The following SORBS3 variants were observed in gnomAD, a reference collection of about 807,000 sequenced individuals.
The protein encoded by SORBS3 is sorbin and SH3 domain containing 3, also known as vinexin.
A neutral mutation model predicts 98.0 loss-of-function variants in SORBS3; 69 were observed. That is an observed-to-expected ratio of 0.70 (90% confidence interval 0.58 to 0.86). The LOEUF (loss-of-function observed/expected upper bound fraction) is 0.86, where lower values mean the gene tolerates loss of function less well. SORBS3 is among the 40% of genes least tolerant of loss of function. The pLI, the probability that SORBS3 is intolerant of heterozygous loss-of-function variation, is 0.00. For synonymous variants in SORBS3, 394 were observed against 355.4 expected (o/e 1.11, Z -1.22); for missense variants, 954 against 908.5 (o/e 1.05, Z -0.64).
chr8:22,567,210 C>T, intron 16 of SORBS3, 35 bp downstream of exon 16: 4 of 1,163,098 alleles, frequency 3.4e-6, no homozygotes, highest in Non-Finnish European at 3.8e-6. Context: ...TGGGGCTGGG[C>T]TGGGAGGGCG....
chr8:22,575,168 C>G lies in SORBS3; in HGVS notation c.*440C>G, dbSNP rs556742671. On this transcript the variant is annotated 3_prime_UTR_variant, in exon 21 of 21. Coordinates refer to ENST00000240123, the MANE Select transcript of SORBS3 (RefSeq NM_005775.5). Reference sequence around the variant, plus strand: ...CCGCCCCCGCCTGCTGGGGTTCCTCCCAGCACCCCAGCTTGCTGGCTGCCC... The same window carrying G: ...CCGCCCCCGCCTGCTGGGGTTCCTCGCAGCACCCCAGCTTGCTGGCTGCCC... 134 of 322,634 alleles carry G rather than the reference C, an allele frequency of 4.2e-4. 3 individuals carry two copies. The highest frequency in any genetic ancestry group is 2.5e-3 in the South Asian group (106 of 41,590). 20.0% of individuals were successfully genotyped at this position (322,634 alleles called of 1,614,324 possible). A position where few individuals can be genotyped will look rare whatever the true frequency, so the allele number is the denominator to read the frequency against.
rs1326877493 is a variant in SORBS3 at position 22,556,738 on chromosome 8, C to A, written c.244C>A (p.Pro82Thr). ...AGACCCTGCGTGGTATCAGACCTGGCCAGGCCCTGGGAGCAAGCCCTCTGC... is the reference window on the plus strand; with the variant it reads ...AGACCCTGCGTGGTATCAGACCTGGACAGGCCCTGGGAGCAAGCCCTCTGC... ...HPDPAWYQTW[P>T]GPGSKPSAST... is the part of the protein sequence containing the mutation. Residue 82 changes from proline to threonine, a missense_variant, in exon 4 of 21, where the codon CCA becomes ACA. Transcript: ENST00000240123. 2 of 1,613,654 alleles carry A rather than the reference C, an allele frequency of 1.2e-6. No individual in the cohort carries two copies. Among genetic ancestry groups the A allele is most frequent in the East Asian group, 2.2e-5 (1 of 44,904 alleles).
chr8:22,551,984 C>G lies in SORBS3; in HGVS notation c.-94C>G, dbSNP rs1158031442. 1.0e-6 allele frequency: 1 copy of G among 984,944 alleles called. No individual in the cohort carries two copies. Among genetic ancestry groups the G allele is most frequent in the African/African-American group, 1.7e-5 (1 of 57,196 alleles). The allele number at this position is 984,944 out of a possible 1,614,324, so 61.0% of individuals were successfully genotyped here. On this transcript the variant is annotated 5_prime_UTR_variant, in exon 1 of 21. Coordinates refer to ENST00000240123, the MANE Select transcript of SORBS3 (RefSeq NM_005775.5). The surrounding 1 kb of genome is among the most constrained non-coding windows in gnomAD (Gnocchi z 5.8). ...CCGGGCAGGGATGCTCCTGCGCTCCCGGGCGGCCTCGGGCCCAGCCACCTG... is the reference window on the plus strand; with the variant it reads ...CCGGGCAGGGATGCTCCTGCGCTCCGGGGCGGCCTCGGGCCCAGCCACCTG...
intron 20 of SORBS3, chr8:22,573,381 C>G (rs1283526190): frequency 2.2e-6 from 1 of 456,156 alleles, no homozygotes. Context: ...TTAGGAGCCA[C>G]AAGCGCTTTG....
At chr8:22,550,111 G>A (rs1840059414), upstream of SORBS3, 1 of 701,394 alleles carries the variant, frequency 1.4e-6, no homozygotes. Context: ...CCCTGAGGGA[G>A]GGAAGAGGCT....
rs115478497 is a variant in SORBS3, at chr8:22,573,937, C to T, written c.1955-730C>T. On this transcript the variant is annotated intron_variant, in intron 20 of 20. Transcript: ENST00000240123. ...GTGAGCCCTGGTCCTTTCCACCAGG[C>T]GCTCTCCCCAAGGGCTGCTCCAGAG... Among the ~76,000 whole-genome samples, 890 of 152,278 alleles carry T rather than the reference C, an allele frequency of 5.8e-3. 9 individuals are homozygous for T. The highest frequency in any genetic ancestry group is 0.021 in the African/African-American group (863 of 41,558).
chr8:22,570,925 C>T lies in SORBS3; in HGVS notation c.1447C>T (p.Leu483=), dbSNP rs764042311. The T allele has an allele frequency of 1.9e-6, 3 of 1,603,068 alleles. No homozygotes were observed. In the South Asian group the frequency reaches 3.3e-5, roughly 18 times the overall value. Residue 483 remains leucine, a synonymous_variant, in exon 18 of 21, where the codon CTG becomes TTG. Transcript: ENST00000240123. ...LSFRKGEHIC[L]IRKVNENWYE... is the part of the protein sequence containing the mutation. ...CCCCCCTCAGGGAGAGCACATCTGCCTGATCCGCAAGGTGAACGAGAACTG... is the reference window on the plus strand; with the variant it reads ...CCCCCCTCAGGGAGAGCACATCTGCTTGATCCGCAAGGTGAACGAGAACTG...
chr8:22,552,175 A>G (rs762342899), intron 1 of SORBS3, among the ~76,000 whole-genome samples, 153 bp downstream of exon 1: 2 of 152,210 alleles, frequency 1.3e-5, no homozygotes, highest in African/African-American at 2.4e-5. Context: ...AAAAAGCGAA[A>G]TTCAAGAAAA....
At chr8:22,553,453 G>C (rs1041507146) in intron 1 of SORBS3, among the ~76,000 whole-genome samples, 4 of 152,178 alleles carry the variant, frequency 2.6e-5, no homozygotes, top group African/African-American at 7.2e-5. Context: ...CGTGCTCTGG[G>C]TCAAAAAGCC....
intron 11 of SORBS3, 199 bp downstream of exon 11, chr8:22,565,553 A>G (rs914932112): frequency 6.9e-6 from 4 of 576,882 alleles, no homozygotes; most frequent in Non-Finnish European, 1.0e-5. Context: ...GACTTTCGCA[A>G]GTGACCCCGA....
intron 17 of SORBS3, 39 bp from the exon 18 acceptor site, chr8:22,570,871 C>T (rs759772447): frequency 2.6e-6 from 4 of 1,550,446 alleles, no homozygotes; most frequent in South Asian, 2.5e-5. Flanking sequence ...GTCCATGGCA[C>T]CAGGAAGGCC....
rs569684575 is a variant in SORBS3 at position 22,561,995 on chromosome 8, G to C, written c.584+64G>C. The stretch of plus-strand genomic sequence containing the variant: ...CGCGGCCCGCGAGACACCATGGGAC[G>C]GGCGCCCCCTCGTGACCACAGCCGG... On this transcript the variant is annotated intron_variant, in intron 7 of 20. Coordinates refer to ENST00000240123, the MANE Select transcript of SORBS3 (RefSeq NM_005775.5). 5 of 1,510,536 alleles carry C rather than the reference G, an allele frequency of 3.3e-6. No individual in the cohort carries two copies. The African/African-American group carries it at 5.5e-5, about 17-fold the overall frequency. The allele number at this position is 1,510,536 out of a possible 1,614,324, so 93.6% of individuals were successfully genotyped here.
intron 17 of SORBS3, among the ~76,000 whole-genome samples, chr8:22,570,443 C>T (rs1176164323): frequency 1.3e-5 from 2 of 152,222 alleles, no homozygotes; most frequent in South Asian, 2.1e-4. Flanking sequence ...AGCACCTGTC[C>T]AGTGTGTCTA....
intron 1 of SORBS3, among the ~76,000 whole-genome samples, chr8:22,553,727 C>A (rs1840130419): frequency 6.6e-6 from 1 of 152,220 alleles, no homozygotes; most frequent in Non-Finnish European, 1.5e-5. Context: ...GCAGAACACC[C>A]CAGGGCACTC....
chr8:22,570,969 G>A lies in SORBS3; in HGVS notation c.1491G>A (p.Thr497=), dbSNP rs150628896. Reference sequence around the variant, plus strand: ...AGAACTGGTACGAGGGACGCATCACGGGCACGGGGCGCCAAGGCATATTCC... The same window carrying A: ...AGAACTGGTACGAGGGACGCATCACAGGCACGGGGCGCCAAGGCATATTCC... ...VNENWYEGRI[T]GTGRQGIFPA... Residue 497 remains threonine (T), a synonymous_variant, in exon 18 of 21, where the codon ACG becomes ACA. Transcript: ENST00000240123. The A allele has an allele frequency of 1.3e-5, 21 of 1,613,218 alleles. No individual in the cohort carries two copies. The highest frequency in any genetic ancestry group is 8.8e-5 in the South Asian group (8 of 91,036).
rs1340882145 is a variant in SORBS3, at chr8:22,574,948, C to T, written c.*220C>T. ...ATTCCTCCCACAGCCCTTTCATTTC[C>T]TCCCCACCCCACTCCCCAAATACAG... On this transcript the variant is annotated 3_prime_UTR_variant, in exon 21 of 21. Coordinates refer to ENST00000240123, the MANE Select transcript of SORBS3 (RefSeq NM_005775.5). The T allele has an allele frequency of 2.9e-6, 2 of 684,096 alleles. No homozygotes were observed. Among genetic ancestry groups the T allele is most frequent in the Non-Finnish European group, 5.4e-6 (2 of 373,468 alleles). 42.4% of individuals were successfully genotyped at this position (684,096 alleles called of 1,614,324 possible).
chr8:22,565,363 C>T lies in SORBS3; in HGVS notation c.903+9C>T. 1 of 1,541,242 alleles carries T rather than the reference C, an allele frequency of 6.5e-7. No homozygotes were observed. Among genetic ancestry groups the T allele is most frequent in the Non-Finnish European group, 8.8e-7 (1 of 1,142,442 alleles). Reference sequence around the variant, plus strand: ...GACTGCCGTCCCCCAAGGTACCAGCCCCCAGGGTTCACCCGCGGGGCACGC... The same window carrying T: ...GACTGCCGTCCCCCAAGGTACCAGCTCCCAGGGTTCACCCGCGGGGCACGC... On this transcript the variant is annotated intron_variant, in intron 11 of 20. Coordinates refer to ENST00000240123, the MANE Select transcript of SORBS3 (RefSeq NM_005775.5).
At position 22,558,123 on chromosome 8, in the gene SORBS3, T is replaced by G. The variant is rs1337583358; in HGVS notation, c.415-6T>G. The G allele has an allele frequency of 3.7e-6, 6 of 1,614,080 alleles. No homozygotes were observed. The Admixed American group carries it at 1.0e-4, about 27-fold the overall frequency. On this transcript the variant is annotated splice_polypyrimidine_tract_variant and splice_region_variant and intron_variant, in intron 4 of 20. Transcript: ENST00000240123. The stretch of plus-strand genomic sequence containing the variant: ...GGAGGACTGACTTTGCATTTTCTGA[T>G]CCCAGAGCGTTGACAGACCCAGAGA...
Position 22,565,333 on chromosome 8 carries a change from G to A in SORBS3, c.882G>A (p.Glu294=), listed in dbSNP as rs1185327580. The A allele has an allele frequency of 6.4e-7, 1 of 1,556,982 alleles. No homozygotes were observed. The highest frequency in any genetic ancestry group is 1.4e-5 in the African/African-American group (1 of 73,394). The change falls in exon 11 of 21, where the codon GAG becomes GAA. Residue 294 remains glutamate (E), a synonymous_variant. Transcript: ENST00000240123. ...AELDKDLRAI[E]TRLPSPKSSP... is the part of the protein sequence containing the mutation. ...TGGACAAGGACCTGCGGGCAATTGA[G>A]ACCCGACTGCCGTCCCCCAAGGTAC...
Sources: gnomAD v4.1 joint callset for allele counts (sites outside exome capture counted in the v4.1 genomes callset) on GRCh38, gnomAD v4.1.1 for gene constraint, Gnocchi (gnomAD v3.1) non-coding constraint, MANE v1.5 for transcripts, NCBI Gene and HGNC (gene_info 2026-07-23, HGNC 2026-07-21) for gene names.